RNF10: variants seen among roughly 807,000 people sequenced by gnomAD.
RNF10 encodes the protein E3 ubiquitin-protein ligase RNF10.
RNF10 carries 38 observed loss-of-function variants against 91.4 expected under a neutral mutation model. The ratio of observed to expected loss-of-function variants is 0.42; its 90% CI spans 0.32 to 0.54. The LOEUF (loss-of-function observed/expected upper bound fraction) is 0.54, where lower values mean the gene tolerates loss of function less well. Among genes scored for constraint, RNF10 ranks in the 20% least tolerant of loss-of-function variants. The pLI is 0.16. For synonymous variants in RNF10, 364 were observed against 366.3 expected, an observed-to-expected ratio of 0.99 and a Z score of 0.07; for missense variants, 945 against 1,012.0, an observed-to-expected ratio of 0.93 and a Z score of 0.90.
At position 120,534,671 on chromosome 12, in the gene RNF10, G is replaced by A. The variant is rs1870461272; in HGVS notation, c.-141G>A. 7.3e-7 allele frequency: 1 copy of A among 1,374,906 alleles called. No homozygotes were observed. The highest frequency in any genetic ancestry group is 1.5e-5 in the African/African-American group (1 of 64,970). 85.2% of individuals were successfully genotyped at this position (1,374,906 alleles called of 1,614,324 possible). ...TTCTCTTCCTAGTTTGAGAAGCCAAGGAAGGAAACAGGGAAAAATGTCGCC... is the reference window on the plus strand; with the variant it reads ...TTCTCTTCCTAGTTTGAGAAGCCAAAGAAGGAAACAGGGAAAAATGTCGCC... On this transcript the variant is annotated 5_prime_UTR_variant, in exon 1 of 17. Coordinates refer to ENST00000325954, the MANE Select transcript of RNF10 (RefSeq NM_014868.5).
chr12:120,536,262 GA>G (rs574435683), intron 1 of RNF10, among the ~76,000 whole-genome samples: 5,007 of 144,004 alleles, frequency 0.035, 122 homozygotes, highest in Non-Finnish European at 0.051. Context: ...GTCTCCATAA[GA>G]AAAAAAAAAA....
intron 14 of RNF10, among the ~76,000 whole-genome samples, chr12:120,572,127 C>T (rs980528850): frequency 4.0e-5 from 6 of 150,914 alleles, no homozygotes; most frequent in South Asian, 2.1e-4. Flanking sequence ...AGTTCCGTGG[C>T]GCGATCTTGG....
chr12:120,568,226 C>T (rs1417143125), intron 13 of RNF10, among the ~76,000 whole-genome samples: 1 of 151,504 alleles, frequency 6.6e-6, no homozygotes, highest in East Asian at 1.9e-4. Flanking sequence ...GCCTGGGCAA[C>T]ACAGCCAGAC....
chr12:120,571,619 C>T (rs1876638664), intron 14 of RNF10, among the ~76,000 whole-genome samples: 1 of 152,140 alleles, frequency 6.6e-6, no homozygotes, highest in Admixed American at 6.5e-5. Flanking sequence ...TGTAGACGTA[C>T]CCAGGAAAGA....
chr12:120,537,753 C>T (rs1425790291), intron 1 of RNF10, among the ~76,000 whole-genome samples: 1 of 152,090 alleles, frequency 6.6e-6, no homozygotes, highest in African/African-American at 2.4e-5. Context: ...GCTTTTCTGG[C>T]TTCTGCTGTG....
At chr12:120,563,199 ATTAG>A in intron 8 of RNF10, 129 bp downstream of exon 8, 3 of 1,491,616 alleles carry the variant, frequency 2.0e-6, no homozygotes, top group South Asian at 1.2e-5. Context: ...TATGCTTGTT[ATTAG>A]TTCTTTCCCC....
intron 1 of RNF10, 144 bp downstream of exon 1, chr12:120,535,112 C>T: frequency 1.1e-6 from 1 of 915,662 alleles, no homozygotes; most frequent in Non-Finnish European, 1.6e-6. Context: ...CTCTCATTTG[C>T]AGTTACATTA....
intron 1 of RNF10, among the ~76,000 whole-genome samples, chr12:120,535,917 G>C (rs1870713581): frequency 6.6e-6 from 1 of 152,342 alleles, no homozygotes; most frequent in African/African-American, 2.4e-5. Flanking sequence ...TGAGCAGGTA[G>C]GATGTTAGGA....
chr12:120,564,291 C>CT (rs1358078060), intron 10 of RNF10, among the ~76,000 whole-genome samples: 1 of 152,090 alleles, frequency 6.6e-6, no homozygotes. Context: ...AAATTAGACT[C>CT]TTTGAGTACT....
At position 120,563,082 on chromosome 12, in the gene RNF10, C is replaced by A; in HGVS notation, c.1254+12C>A. On this transcript the variant is annotated intron_variant, in intron 8 of 16. Transcript: ENST00000325954. The stretch of plus-strand genomic sequence containing the variant: ...TTCAACCCAGGAAGGTTAGTGTGTT[C>A]CTGTTACTAAGTGGCTGCCGTTCCT... 1.9e-6 allele frequency: 3 copies of A among 1,613,876 alleles called. No homozygotes were observed. In the South Asian group the frequency reaches 3.3e-5, roughly 18 times the overall value.
rs547021809 is a variant in RNF10, at chr12:120,577,211, G to A, written c.*545G>A. 2.9e-5 allele frequency: 13 copies of A among 453,904 alleles called. No homozygotes were observed. In the Admixed American group the frequency reaches 3.1e-4, roughly 11 times the overall value. The allele number at this position is 453,904 out of a possible 1,614,324, so 28.1% of individuals were successfully genotyped here. A position where few individuals can be genotyped will look rare whatever the true frequency, so the allele number is the denominator to read the frequency against. ...TTTTTTTTTTCTGACACATGGCCAG[G>A]CTGTGGTGCCAGCTTAATGGAGTAG... On this transcript the variant is annotated 3_prime_UTR_variant, in exon 17 of 17. Coordinates refer to ENST00000325954, the MANE Select transcript of RNF10 (RefSeq NM_014868.5).
chr12:120,539,266 G>A, intron 1 of RNF10: 1 of 502,618 alleles, frequency 2.0e-6, no homozygotes, highest in African/African-American at 2.0e-5. Flanking sequence ...GAAGTCCTAG[G>A]CGGTATTTTT....
intron 13 of RNF10, among the ~76,000 whole-genome samples, chr12:120,569,594 C>T (rs911240947): frequency 3.0e-5 from 4 of 133,904 alleles, no homozygotes; most frequent in East Asian, 4.8e-4. Flanking sequence ...TGCAGTGGCA[C>T]AAGGCACAAT....
intron 1 of RNF10, among the ~76,000 whole-genome samples, chr12:120,537,601 C>T (rs1871016608): frequency 6.6e-6 from 1 of 152,054 alleles, no homozygotes; most frequent in Non-Finnish European, 1.5e-5. Context: ...GCACTCCAGC[C>T]CGTCTAAAAA....
chr12:120,565,355 G>A (rs1401042442), intron 11 of RNF10, 73 bp from the exon 12 acceptor site: 1 of 1,422,454 alleles, frequency 7.0e-7, no homozygotes, highest in South Asian at 1.1e-5. Context: ...TGTGGGTTTA[G>A]CTGCTAATAC....
Position 120,547,031 on chromosome 12 carries a change from G to A in RNF10, c.354+430G>A, listed in dbSNP as rs116178325. 5.6e-3 allele frequency among the ~76,000 whole-genome samples: 855 copies of A among 152,236 alleles called. 5 individuals carry two copies. The highest frequency in any genetic ancestry group is 0.019 in the African/African-American group (773 of 41,538). On this transcript the variant is annotated intron_variant, in intron 2 of 16. Transcript: ENST00000325954. The stretch of plus-strand genomic sequence containing the variant: ...TCTGTAAGTGCATAAAGACATTTAT[G>A]TACAAGGGTATTCACTGCTTTGTTT...
intron 2 of RNF10, among the ~76,000 whole-genome samples, chr12:120,551,977 T>C (rs1292357105): frequency 6.6e-6 from 1 of 151,204 alleles, no homozygotes; most frequent in Non-Finnish European, 1.5e-5. Flanking sequence ...CAGGCACATC[T>C]TAGGAGGAAG....
At chr12:120,566,265 T>C (rs182410283) in intron 12 of RNF10, among the ~76,000 whole-genome samples, 181 of 152,340 alleles carry the variant, frequency 1.2e-3, no homozygotes, top group African/African-American at 4.1e-3. Flanking sequence ...CTTTTTATTA[T>C]GGAAATATCA....
At chr12:120,554,438 G>A (rs945930335) in intron 3 of RNF10, 1 of 347,192 alleles carries the variant, frequency 2.9e-6, no homozygotes. Context: ...ATGGAGTCAC[G>A]GTCTAGGTTA....
Sources: allele counts gnomAD v4.1 joint callset (sites outside exome capture counted in the v4.1 genomes callset), GRCh38; gene constraint gnomAD v4.1.1; transcripts MANE v1.5; gene names NCBI Gene and HGNC (gene_info 2026-07-23, HGNC 2026-07-21).